Variants in PUM1 observed in about 807,000 individuals in gnomAD.
PUM1 encodes pumilio RNA binding family member 1, also known as pumilio homolog 1.
A neutral mutation model predicts 131.8 loss-of-function variants in PUM1; 13 were observed. The ratio of observed to expected loss-of-function variants is 0.10; its 90% CI spans 0.06 to 0.16. The LOEUF (loss-of-function observed/expected upper bound fraction) is 0.16. Ranked by LOEUF, PUM1 falls within the 10% of genes least tolerant of loss-of-function variation. The pLI is 1.00. For synonymous variants in PUM1, 509 were observed against 556.5 expected (o/e 0.91, Z 1.20); for missense variants, 961 against 1,512.4 (o/e 0.64, Z 6.05).
At chr1:30,961,623 T>G (rs1340059271) in intron 14 of PUM1, among the ~76,000 whole-genome samples, 2 of 152,124 alleles carry the variant, frequency 1.3e-5, no homozygotes, top group Admixed American at 6.5e-5. Context: ...AATAAGTGAT[T>G]TTTAAAAAAA....
At chr1:31,026,317 C>T (rs1329008247) in intron 3 of PUM1, among the ~76,000 whole-genome samples, 46 of 150,762 alleles carry the variant, frequency 3.1e-4, no homozygotes, top group Admixed American at 3.0e-3. Context: ...TTGTGCTGTT[C>T]TCCCGTTGCT....
chr1:30,993,244 C>T (rs1641859443), intron 6 of PUM1, among the ~76,000 whole-genome samples: 1 of 150,466 alleles, frequency 6.6e-6, no homozygotes, highest in African/African-American at 2.5e-5. Context: ...AAGATGAACT[C>T]ATTATCTAGG....
At chr1:30,953,093 C>A (rs1216207667) in intron 15 of PUM1, among the ~76,000 whole-genome samples, 1 of 152,286 alleles carries the variant, frequency 6.6e-6, no homozygotes, top group East Asian at 1.9e-4. Context: ...TCAGGAAAAT[C>A]ATGTTGCCTC....
At chr1:30,984,919 C>T (rs1338359722) in intron 7 of PUM1, among the ~76,000 whole-genome samples, 1 of 152,016 alleles carries the variant, frequency 6.6e-6, no homozygotes, top group Non-Finnish European at 1.5e-5. Flanking sequence ...ACTACCGCCC[C>T]CACTCCCCCC....
intron 14 of PUM1, among the ~76,000 whole-genome samples, chr1:30,958,852 GTCA>G: frequency 6.6e-6 from 1 of 152,104 alleles, no homozygotes; most frequent in African/African-American, 2.4e-5. Flanking sequence ...TAACACATAA[GTCA>G]AACAAAATAA....
At chr1:31,024,640 CA>C (rs1275602518) in intron 3 of PUM1, among the ~76,000 whole-genome samples, 1 of 152,154 alleles carries the variant, frequency 6.6e-6, no homozygotes, top group African/African-American at 2.4e-5. Flanking sequence ...GTTCACTACA[CA>C]TAAAACATTA....
At chr1:30,946,708 C>T (rs115537172) in intron 17 of PUM1, among the ~76,000 whole-genome samples, 68 of 149,604 alleles carry the variant, frequency 4.5e-4, no homozygotes, top group African/African-American at 1.6e-3. Context: ...AAAAAAGATT[C>T]AAAGTACAGT....
chr1:31,009,782 A>AAAAAAAAAAAACAAAAAC lies in PUM1; in HGVS notation c.433-2681_433-2680insGTTTTTGTTTTTTTTTTT, dbSNP rs375044466. On this transcript the variant is annotated intron_variant, in intron 3 of 21. Transcript: ENST00000426105. Reference sequence around the variant, plus strand: ...GACTCTGTCTCAAAAAAAAAAAAAAAAAAAACAAAAACAGAAACAAAAAAA... The same window carrying AAAAAAAAAAAACAAAAAC: ...GACTCTGTCTCAAAAAAAAAAAAAAAAAAAAAAAAAACAAAAACAAAAACAAAAACAGAAACAAAAAAA... Among the ~76,000 whole-genome samples the AAAAAAAAAAAACAAAAAC allele has an allele frequency of 1.3e-3, 167 of 125,282 alleles. 2 individuals carry two copies. Among genetic ancestry groups the AAAAAAAAAAAACAAAAAC allele is most frequent in the East Asian group, 6.0e-3 (26 of 4,300 alleles). 82.2% of individuals were successfully genotyped at this position (125,282 alleles called of 152,430 possible). A position where few individuals can be genotyped will look rare whatever the true frequency, so the allele number is the denominator to read the frequency against.
At chr1:30,935,520 CA>C (rs1482332732) in intron 21 of PUM1, among the ~76,000 whole-genome samples, 1 of 152,198 alleles carries the variant, frequency 6.6e-6, no homozygotes, top group Non-Finnish European at 1.5e-5. Context: ...AATGAATAGA[CA>C]TGTCTTAAGC....
intron 9 of PUM1, among the ~76,000 whole-genome samples, chr1:30,975,669 T>C (rs1641107635): frequency 6.6e-6 from 1 of 151,928 alleles, no homozygotes; most frequent in Admixed American, 6.6e-5. Context: ...TTTCTATTTT[T>C]AAAGTCACAA....
rs1272174757 is a variant in PUM1 at position 31,022,167 on chromosome 1, T to A, written c.432+6629A>T. Among the ~76,000 whole-genome samples, 3 of 136,380 alleles carry A rather than the reference T, an allele frequency of 2.2e-5. No homozygotes were observed. The East Asian group carries it at 8.0e-4, about 36-fold the overall frequency. The allele number at this position is 136,380 out of a possible 152,430, so 89.5% of individuals were successfully genotyped here. A position where few individuals can be genotyped will look rare whatever the true frequency, so the allele number is the denominator to read the frequency against. On this transcript the variant is annotated intron_variant, in intron 3 of 21. Coordinates refer to ENST00000426105, the MANE Select transcript of PUM1 (RefSeq NM_001020658.2). ...CATTTAATCTTAGGGCTCATTCTGC[T>A]CATCTAAAAAAAAATGGGAATAATA...
At chr1:30,947,477 G>C (rs1329539922) in intron 17 of PUM1, among the ~76,000 whole-genome samples, 1 of 152,242 alleles carries the variant, frequency 6.6e-6, no homozygotes, top group Non-Finnish European at 1.5e-5. Context: ...CTGAGTCTGT[G>C]AGTAGGAAAT....
intron 9 of PUM1, among the ~76,000 whole-genome samples, chr1:30,979,001 G>C (rs1641251134): frequency 6.6e-6 from 1 of 151,978 alleles, no homozygotes; most frequent in South Asian, 2.1e-4. Context: ...CTACTCAGGA[G>C]GCTGACGCAG....
Position 31,053,358 on chromosome 1 carries a change from T to A in PUM1, c.363+5846A>T, listed in dbSNP as rs1047671787. On this transcript the variant is annotated intron_variant, in intron 2 of 21. Coordinates refer to ENST00000426105, the MANE Select transcript of PUM1 (RefSeq NM_001020658.2). ...TTTACAGGCAAAAAAAAAAAAAAAA[T>A]TTTTTTCATGAGACTTCTTTCCCTC... is the stretch of plus-strand genomic sequence containing the variant. Among the ~76,000 whole-genome samples, 161 of 146,740 alleles carry A rather than the reference T, an allele frequency of 1.1e-3. 1 individual carries two copies. The highest frequency in any genetic ancestry group is 3.0e-3 in the African/African-American group (117 of 39,548).
chr1:30,993,664 A>G (rs1641881533), intron 6 of PUM1, among the ~76,000 whole-genome samples: 1 of 152,174 alleles, frequency 6.6e-6, no homozygotes, highest in African/African-American at 2.4e-5. Context: ...CCATTTAAAT[A>G]CAACAAAATA....
chr1:31,049,578 G>A (rs1412891591), intron 2 of PUM1, among the ~76,000 whole-genome samples: 1 of 151,618 alleles, frequency 6.6e-6, no homozygotes, highest in Non-Finnish European at 1.5e-5. Flanking sequence ...TGCTTGGGAG[G>A]CTGAAGCAGG....
At chr1:30,945,023 A>T (rs992501868) in intron 18 of PUM1, among the ~76,000 whole-genome samples, 6 of 152,218 alleles carry the variant, frequency 3.9e-5, no homozygotes, top group Non-Finnish European at 8.8e-5. Flanking sequence ...GCTTGAGTGC[A>T]GGAATTCAAG....
intron 3 of PUM1, among the ~76,000 whole-genome samples, chr1:31,026,651 G>A (rs1643232942): frequency 6.6e-6 from 1 of 152,132 alleles, no homozygotes; most frequent in African/African-American, 2.4e-5. Context: ...GCAGTGGGAG[G>A]AAGCCAGGGA....
At chr1:31,050,580 T>C (rs955123589) in intron 2 of PUM1, among the ~76,000 whole-genome samples, 12 of 152,188 alleles carry the variant, frequency 7.9e-5, no homozygotes, top group Non-Finnish European at 1.2e-4. Context: ...GCTCTAAGAG[T>C]ACATGTGTAA....
Sources: allele counts gnomAD v4.1 joint callset (sites outside exome capture counted in the v4.1 genomes callset), GRCh38; gene constraint gnomAD v4.1.1; transcripts MANE v1.5; gene names NCBI Gene and HGNC (gene_info 2026-07-23, HGNC 2026-07-21).